SDC3: variants seen among roughly 807,000 people sequenced by gnomAD.
SDC3 encodes the protein syndecan-3.
A neutral mutation model predicts 24.4 loss-of-function variants in SDC3; 13 were observed. The observed-to-expected ratio is 0.53, with a 90% CI of 0.35 to 0.85. The LOEUF (loss-of-function observed/expected upper bound fraction) is 0.85, where lower values mean the gene tolerates loss of function less well. Ranked by LOEUF, SDC3 falls within the 40% of genes least tolerant of loss-of-function variation. The pLI, the probability that SDC3 is intolerant of heterozygous loss-of-function variation, is 0.01. For missense variants in SDC3, 571 were observed against 584.5 expected, an observed-to-expected ratio of 0.98 and a Z score of 0.24; for synonymous variants, 295 against 260.9, an observed-to-expected ratio of 1.13 and a Z score of -1.26.
chr1:30,874,696 G>T, intron 3 of SDC3, 108 bp from the exon 4 acceptor site: 1 of 1,004,638 alleles, frequency 1.0e-6, no homozygotes, highest in East Asian at 2.4e-5. Context: ...CTACATGCCA[G>T]GCACTGTGCT....
intron 1 of SDC3, among the ~76,000 whole-genome samples, chr1:30,881,763 G>A (rs1639749102): frequency 6.6e-6 from 1 of 152,152 alleles, no homozygotes; most frequent in South Asian, 2.1e-4. Context: ...AACTGCCCAG[G>A]GTTTTATCAT....
intron 1 of SDC3, among the ~76,000 whole-genome samples, chr1:30,895,896 C>A (rs972695683): frequency 2.6e-5 from 4 of 151,582 alleles, no homozygotes; most frequent in African/African-American, 7.3e-5. Context: ...TGAGCAGAGA[C>A]GGAGGAGGAG....
rs1352288902 is a variant in SDC3, at chr1:30,870,920, T to G, written c.*2291A>C. Reference sequence around the variant, plus strand: ...TGCCCAGGCCGTCTCACCAGAGCTGTGCTCTCCAAGACAGCAGCACCCCAG... The same window carrying G: ...TGCCCAGGCCGTCTCACCAGAGCTGGGCTCTCCAAGACAGCAGCACCCCAG... On this transcript the variant is annotated 3_prime_UTR_variant, in exon 5 of 5. Coordinates refer to ENST00000339394, the MANE Select transcript of SDC3 (RefSeq NM_014654.4). The G allele has an allele frequency of 6.6e-6, 1 of 152,440 alleles. No homozygotes were observed. Among genetic ancestry groups the G allele is most frequent in the Non-Finnish European group, 1.5e-5 (1 of 68,208 alleles). 9.4% of individuals were successfully genotyped at this position (152,440 alleles called of 1,614,324 possible).
At position 30,872,493 on chromosome 1, in the gene SDC3, G is replaced by A. The variant is rs1204624678; in HGVS notation, c.*718C>T. 6.6e-6 allele frequency: 1 copy of A among 152,344 alleles called. No homozygotes were observed. The highest frequency in any genetic ancestry group is 2.4e-5 in the African/African-American group (1 of 41,436). 9.4% of individuals were successfully genotyped at this position (152,344 alleles called of 1,614,324 possible). ...GAGTGAAAATATGGTGATAGTGTGG[G>A]CAATGGTGTCTGTGCAGAGTCCCCT... On this transcript the variant is annotated 3_prime_UTR_variant, in exon 5 of 5. Coordinates refer to ENST00000339394, the MANE Select transcript of SDC3 (RefSeq NM_014654.4).
At chr1:30,890,345 T>C (rs1180626121) in intron 1 of SDC3, among the ~76,000 whole-genome samples, 1 of 152,208 alleles carries the variant, frequency 6.6e-6, no homozygotes, top group Non-Finnish European at 1.5e-5. Flanking sequence ...TACTACAGTG[T>C]GGATGAACCT....
intron 1 of SDC3, among the ~76,000 whole-genome samples, chr1:30,883,367 C>T (rs555518022): frequency 6.6e-6 from 1 of 152,334 alleles, no homozygotes; most frequent in African/African-American, 2.4e-5. Flanking sequence ...GCTTCCTTCC[C>T]CTAATTAGCC....
rs1301647097 is a variant in SDC3 at position 30,908,693 on chromosome 1, G to A, written c.-107C>T. 4.4e-4 allele frequency: 140 copies of A among 317,546 alleles called. No homozygotes were observed. The highest frequency in any genetic ancestry group is 1.3e-3 in the Admixed American group (19 of 14,508). 19.7% of individuals were successfully genotyped at this position (317,546 alleles called of 1,614,324 possible). Reference sequence around the variant, plus strand: ...GGCGGCGCGGCCCGGCGGCTGGACCGACGCGCTCTAGGCTCGCGGGCTCCC... The same window carrying A: ...GGCGGCGCGGCCCGGCGGCTGGACCAACGCGCTCTAGGCTCGCGGGCTCCC... On this transcript the variant is annotated 5_prime_UTR_variant, in exon 1 of 5. Transcript: ENST00000339394.
intron 1 of SDC3, among the ~76,000 whole-genome samples, chr1:30,879,437 T>C (rs1264073177): frequency 2.6e-5 from 4 of 152,208 alleles, no homozygotes; most frequent in Non-Finnish European, 5.9e-5. Flanking sequence ...TCCTCCTTTT[T>C]TAAACATTCT....
upstream of SDC3, chr1:30,908,859 GT>G (rs1638593664): frequency 7.1e-5 from 1 of 14,156 alleles, no homozygotes; most frequent in Admixed American, 8.7e-4. Flanking sequence ...GCGGGCCCCA[GT>G]GCGCCCCCCG....
At chr1:30,904,420 G>A (rs572523532) in intron 1 of SDC3, among the ~76,000 whole-genome samples, 17 of 152,154 alleles carry the variant, frequency 1.1e-4, no homozygotes, top group South Asian at 1.0e-3. Context: ...GGACCCCCCA[G>A]GGACCCTATG....
rs201543768 is a variant in SDC3, at chr1:30,876,695, C to T, written c.727G>A (p.Ala243Thr). The T allele has an allele frequency of 6.9e-6, 11 of 1,602,454 alleles. No individual in the cohort carries two copies. In the African/African-American group the frequency reaches 1.3e-4, roughly 20 times the overall value. ...PTTAAVLDTE[A>T]PTPRLVSTAT... ...GTGCTGACCAGCCTGGGTGTTGGGG[C>T]CTCGGTGTCCAAGACAGCCGCCGTG... The change falls in exon 3 of 5, where the codon GCC becomes ACC. Residue 243 changes from alanine to threonine, a missense_variant. Transcript: ENST00000339394.
upstream of SDC3, among the ~76,000 whole-genome samples, chr1:30,908,967 GC>G (rs1293414938): frequency 4.0e-5 from 6 of 151,738 alleles, no homozygotes. Flanking sequence ...TGAGTGAGCA[GC>G]CGGCCTCGCC....
At chr1:30,901,634 T>A (rs947647) in intron 1 of SDC3, among the ~76,000 whole-genome samples, 109,763 of 151,888 alleles carry the variant, frequency 0.72, 39,902 homozygotes, top group East Asian at 0.89. Context: ...AGTCCGGCCC[T>A]TGGTCTCCTT....
intron 1 of SDC3, among the ~76,000 whole-genome samples, chr1:30,896,675 TAC>T (rs900915279): frequency 8.5e-5 from 13 of 152,290 alleles, no homozygotes; most frequent in Admixed American, 7.2e-4. Context: ...GCGTGGGATG[TAC>T]AGACTGGGCT....
intron 1 of SDC3, among the ~76,000 whole-genome samples, chr1:30,894,452 TG>T (rs11292606): frequency 0.2 from 8,060 of 40,112 alleles, 1,064 homozygotes; most frequent in Middle Eastern, 0.32. Context: ...TGGATGAGTG[TG>T]GGGGGGTGGA....
Position 30,873,096 on chromosome 1 carries a change from C to T in SDC3, c.*115G>A. 1.3e-6 allele frequency: 1 copy of T among 760,756 alleles called. No individual in the cohort carries two copies. The allele number at this position is 760,756 out of a possible 1,614,324, so 47.1% of individuals were successfully genotyped here. ...CCTGGGCAGACCTTGGGAGAGAGGG[C>T]AGAGAAGAACTGGGGCCAGGTTCCA... On this transcript the variant is annotated 3_prime_UTR_variant, in exon 5 of 5. Transcript: ENST00000339394.
chr1:30,895,266 G>C (rs563153150), intron 1 of SDC3, among the ~76,000 whole-genome samples: 1 of 152,130 alleles, frequency 6.6e-6, no homozygotes, highest in Non-Finnish European at 1.5e-5. Flanking sequence ...CCAAACTAAC[G>C]TCCTAAACAG....
chr1:30,899,859 A>C (rs1189684198), intron 1 of SDC3, among the ~76,000 whole-genome samples: 1 of 151,946 alleles, frequency 6.6e-6, no homozygotes, highest in Non-Finnish European at 1.5e-5. Context: ...ACAACTGAAC[A>C]CTGACAGCCC....
chr1:30,908,775 G>A (rs1270711376), upstream of SDC3: 2 of 147,218 alleles, frequency 1.4e-5, no homozygotes, highest in East Asian at 2.0e-4. Context: ...CGCGCCCGCA[G>A]GAAGCGTGCG....
Sources: gnomAD v4.1 joint callset for allele counts (sites outside exome capture counted in the v4.1 genomes callset) on GRCh38, gnomAD v4.1.1 for gene constraint, MANE v1.5 for transcripts, NCBI Gene and HGNC (gene_info 2026-07-23, HGNC 2026-07-21) for gene names.